LRP1B: variants seen among roughly 807,000 people sequenced by gnomAD.
LRP1B encodes the protein LDL receptor related protein 1B.
A neutral mutation model predicts 556.6 loss-of-function variants in LRP1B; 217 were observed. That is an observed-to-expected ratio of 0.39 (90% CI 0.35 to 0.44). LRP1B has a LOEUF of 0.44. LRP1B is among the 20% of genes least tolerant of loss of function. The pLI is 1.00. For missense variants in LRP1B, 5,053 were observed against 5,620.8 expected, an observed-to-expected ratio of 0.90 and a Z score of 3.23; for synonymous variants, 2,047 against 1,865.8, an observed-to-expected ratio of 1.10 and a Z score of -2.50.
intron 6 of LRP1B, among the ~76,000 whole-genome samples, chr2:141,226,026 G>A (rs1395907458): frequency 4.6e-5 from 7 of 151,732 alleles, no homozygotes; most frequent in South Asian, 2.1e-4. Flanking sequence ...CGGGCAGAGC[G>A]GTATTTAGAA....
At chr2:140,985,633 G>T (rs890882574) in intron 17 of LRP1B, among the ~76,000 whole-genome samples, 2 of 151,868 alleles carry the variant, frequency 1.3e-5, no homozygotes, top group Non-Finnish European at 2.9e-5. Flanking sequence ...GTGTCCACTT[G>T]CTCCAGCCCA....
chr2:140,355,779 A>G (rs1682182051), intron 75 of LRP1B, among the ~76,000 whole-genome samples: 1 of 151,952 alleles, frequency 6.6e-6, no homozygotes. Context: ...CACTGATGTA[A>G]TTATATTTAC....
chr2:140,472,429 A>G (rs1687808059), intron 60 of LRP1B, among the ~76,000 whole-genome samples: 1 of 152,110 alleles, frequency 6.6e-6, no homozygotes, highest in South Asian at 2.1e-4. Context: ...AATAAAGATT[A>G]GGGAGAGGTT....
intron 35 of LRP1B, among the ~76,000 whole-genome samples, chr2:140,763,306 G>C (rs1024467936): frequency 6.6e-6 from 1 of 152,036 alleles, no homozygotes; most frequent in Admixed American, 6.6e-5. Context: ...TGGGGAGAAA[G>C]AGTGGTACAT....
chr2:140,465,221 C>G (rs1687495375), intron 60 of LRP1B, among the ~76,000 whole-genome samples: 1 of 151,998 alleles, frequency 6.6e-6, no homozygotes, highest in Non-Finnish European at 1.5e-5. Flanking sequence ...TTTAAATGAC[C>G]ACTATCATGA....
intron 2 of LRP1B, among the ~76,000 whole-genome samples, chr2:141,581,134 G>A (rs1041729698): frequency 9.9e-5 from 15 of 152,130 alleles, no homozygotes; most frequent in Admixed American, 8.5e-4. Context: ...TGTTTTCCAG[G>A]TTGAAGCACT....
intron 32 of LRP1B, among the ~76,000 whole-genome samples, chr2:140,784,608 A>T (rs1689830165): frequency 6.6e-6 from 1 of 151,966 alleles, no homozygotes; most frequent in Non-Finnish European, 1.5e-5. Flanking sequence ...AACTCAGAAG[A>T]AACAGAAGCA....
chr2:140,820,107 C>G (rs1396022716), intron 31 of LRP1B, among the ~76,000 whole-genome samples: 1 of 152,128 alleles, frequency 6.6e-6, no homozygotes, highest in African/African-American at 2.4e-5. Context: ...TCAAGAGATT[C>G]TCTTGCTTCA....
intron 35 of LRP1B, among the ~76,000 whole-genome samples, chr2:140,743,409 T>C (rs1381560340): frequency 6.6e-6 from 1 of 152,162 alleles, no homozygotes. Context: ...TGGAAAAACA[T>C]ACTCTAGATT....
At chr2:141,778,774 CT>C (rs968156526) in intron 2 of LRP1B, among the ~76,000 whole-genome samples, 3 of 152,082 alleles carry the variant, frequency 2.0e-5, no homozygotes, top group African/African-American at 7.2e-5. Flanking sequence ...AAGACAGACA[CT>C]TTTTTTTCTT....
chr2:142,037,870 C>T (rs1165617152), intron 1 of LRP1B, among the ~76,000 whole-genome samples: 1 of 151,378 alleles, frequency 6.6e-6, no homozygotes, highest in East Asian at 2.0e-4. Flanking sequence ...AGGCTTGTAG[C>T]AGAAATGTAG....
chr2:141,276,513 G>A (rs1293027381), intron 3 of LRP1B, among the ~76,000 whole-genome samples: 1 of 151,998 alleles, frequency 6.6e-6, no homozygotes, highest in Non-Finnish European at 1.5e-5. Flanking sequence ...TGTACTCAAT[G>A]TTTAACTCCC....
At chr2:141,725,708 G>T (rs947471148) in intron 2 of LRP1B, among the ~76,000 whole-genome samples, 2 of 151,690 alleles carry the variant, frequency 1.3e-5, no homozygotes, top group Non-Finnish European at 3.0e-5. Context: ...TTTTCTCTTT[G>T]AAATCGTTAT....
chr2:141,762,273 A>G (rs1433253247), intron 2 of LRP1B, among the ~76,000 whole-genome samples: 3 of 151,742 alleles, frequency 2.0e-5, no homozygotes, highest in Admixed American at 6.6e-5. Context: ...GGGAGCAGGG[A>G]AAAAAAATGA....
chr2:140,978,608 G>T (rs1696673976), intron 18 of LRP1B, among the ~76,000 whole-genome samples: 1 of 152,210 alleles, frequency 6.6e-6, no homozygotes, highest in African/African-American at 2.4e-5. Flanking sequence ...TGCACTCCTT[G>T]TCGTTTTGTA....
chr2:140,539,271 G>T (rs1680045464), intron 45 of LRP1B, among the ~76,000 whole-genome samples: 1 of 152,026 alleles, frequency 6.6e-6, no homozygotes, highest in Non-Finnish European at 1.5e-5. Flanking sequence ...AAATCACTTA[G>T]ATGAGGACAC....
At chr2:141,706,121 C>G (rs906090324) in intron 2 of LRP1B, among the ~76,000 whole-genome samples, 3 of 152,010 alleles carry the variant, frequency 2.0e-5, no homozygotes, top group African/African-American at 7.2e-5. Flanking sequence ...CAGGATGACT[C>G]TGGAGACCCT....
chr2:141,412,052 T>G (rs1308833275), intron 3 of LRP1B, among the ~76,000 whole-genome samples: 1 of 152,152 alleles, frequency 6.6e-6, no homozygotes, highest in Non-Finnish European at 1.5e-5. Flanking sequence ...TGCATTGTGC[T>G]AAATTAACAG....
chr2:141,229,166 T>C lies in LRP1B; in HGVS notation c.850+17A>G. 6.2e-7 allele frequency: 1 copy of C among 1,611,340 alleles called. No homozygotes were observed. Among genetic ancestry groups the C allele is most frequent in the South Asian group, 1.1e-5 (1 of 90,616 alleles). ...ATCAGTAAAGGGTGGCATATAATAT[T>C]TAATTGAAACACTTACTGTGGAAGG... is the stretch of plus-strand genomic sequence containing the variant. On this transcript the variant is annotated intron_variant, in intron 6 of 90. Coordinates refer to ENST00000389484, the MANE Select transcript of LRP1B (RefSeq NM_018557.3).
Sources: gnomAD v4.1 joint callset for allele counts (sites outside exome capture counted in the v4.1 genomes callset) on GRCh38, gnomAD v4.1.1 for gene constraint, MANE v1.5 for transcripts, NCBI Gene and HGNC (gene_info 2026-07-23, HGNC 2026-07-21) for gene names.